DYRK1A: variants seen among roughly 807,000 people sequenced by gnomAD.
DYRK1A encodes dual specificity tyrosine-phosphorylation-regulated kinase 1A.
A neutral mutation model predicts 79.7 loss-of-function variants in DYRK1A; 9 were observed. That is an observed-to-expected ratio of 0.11 (90% CI 0.07 to 0.20). The LOEUF is 0.20. DYRK1A is among the 10% of genes least tolerant of loss of function. The pLI is 1.00. For synonymous variants in DYRK1A, 349 were observed against 329.7 expected, an observed-to-expected ratio of 1.06 and a Z score of -0.63; for missense variants, 622 against 956.0, an observed-to-expected ratio of 0.65 and a Z score of 4.61.
intron 2 of DYRK1A, among the ~76,000 whole-genome samples, chr21:37,459,612 G>A (rs935757435): frequency 2.6e-5 from 4 of 152,144 alleles, no homozygotes. Flanking sequence ...AATAAATAAT[G>A]TTATTCTAAT....
At chr21:37,471,361 G>A (rs1011060044) in intron 2 of DYRK1A, among the ~76,000 whole-genome samples, 2 of 152,206 alleles carry the variant, frequency 1.3e-5, no homozygotes, top group Non-Finnish European at 2.9e-5. Flanking sequence ...GAAAGTAGAG[G>A]TGGAACTTAT....
intron 2 of DYRK1A, among the ~76,000 whole-genome samples, chr21:37,442,066 A>G (rs1438598378): frequency 6.7e-6 from 1 of 150,210 alleles, no homozygotes; most frequent in African/African-American, 2.5e-5. Flanking sequence ...GCTCTCTCGC[A>G]TTGTTTCTTA....
chr21:37,373,491 T>G (rs1011406336), intron 1 of DYRK1A, among the ~76,000 whole-genome samples: 25 of 152,296 alleles, frequency 1.6e-4, no homozygotes, highest in African/African-American at 5.5e-4. Flanking sequence ...AACGAGAAAT[T>G]TATTTTTCCT....
At chr21:37,379,166 G>A (rs1332706920) in intron 1 of DYRK1A, among the ~76,000 whole-genome samples, 11 of 151,994 alleles carry the variant, frequency 7.2e-5, no homozygotes, top group Non-Finnish European at 1.6e-4. Context: ...AATTTGGGGC[G>A]ATTGAGGGTT....
At chr21:37,436,921 A>G (rs2050942197) in intron 2 of DYRK1A, among the ~76,000 whole-genome samples, 1 of 152,232 alleles carries the variant, frequency 6.6e-6, no homozygotes, top group Admixed American at 6.5e-5. Flanking sequence ...TCCATGCTGT[A>G]AGAGAGGTGG....
intron 1 of DYRK1A, among the ~76,000 whole-genome samples, chr21:37,408,125 AAG>A (rs1383069461): frequency 6.6e-6 from 1 of 152,230 alleles, no homozygotes; most frequent in African/African-American, 2.4e-5. Context: ...CCTTTCCCAG[AAG>A]AGAAACAAGA....
chr21:37,515,187 A>G lies in DYRK1A; in HGVS notation c.*2656A>G, dbSNP rs945874841. 3 of 152,640 alleles carry G rather than the reference A, an allele frequency of 2.0e-5. No individual in the cohort carries two copies. The highest frequency in any genetic ancestry group is 7.2e-5 in the African/African-American group (3 of 41,454). The allele number at this position is 152,640 out of a possible 1,614,324, so 9.5% of individuals were successfully genotyped here. The stretch of plus-strand genomic sequence containing the variant: ...TGAATAATTTGTCCTCAGACTCTTT[A>G]CTATGCTTTTTTAAAAATTAATTTA... On this transcript the variant is annotated 3_prime_UTR_variant, in exon 12 of 12. Coordinates refer to ENST00000647188, the MANE Select transcript of DYRK1A (RefSeq NM_001347721.2).
At chr21:37,423,237 C>A (rs1320940110) in intron 2 of DYRK1A, among the ~76,000 whole-genome samples, 1 of 152,054 alleles carries the variant, frequency 6.6e-6, no homozygotes, top group African/African-American at 2.4e-5. Flanking sequence ...TTACCAAAAT[C>A]TCTGCATCCC....
intron 2 of DYRK1A, chr21:37,464,226 C>T: frequency 2.2e-6 from 1 of 457,440 alleles, no homozygotes; most frequent in South Asian, 1.7e-5. Flanking sequence ...ATCTTATGTC[C>T]CAGTCTTTGA....
At chr21:37,432,008 T>C (rs11701982) in intron 2 of DYRK1A, among the ~76,000 whole-genome samples, 11,489 of 152,266 alleles carry the variant, frequency 0.075, 646 homozygotes, top group Non-Finnish European at 0.11. Flanking sequence ...TTTTAAACCC[T>C]AAAGTTAATT....
chr21:37,387,928 C>G (rs1460727092), intron 1 of DYRK1A, among the ~76,000 whole-genome samples: 7 of 152,086 alleles, frequency 4.6e-5, no homozygotes, highest in Non-Finnish European at 1.5e-5. Flanking sequence ...AAAAAGAAAA[C>G]ACAACACTAT....
At chr21:37,397,707 C>T (rs2049981526) in intron 1 of DYRK1A, among the ~76,000 whole-genome samples, 1 of 152,092 alleles carries the variant, frequency 6.6e-6, no homozygotes, top group Non-Finnish European at 1.5e-5. Context: ...AATATAGGTT[C>T]AGGCCTTACC....
chr21:37,383,485 G>C (rs1431014617), intron 1 of DYRK1A, among the ~76,000 whole-genome samples: 1 of 152,212 alleles, frequency 6.6e-6, no homozygotes, highest in Admixed American at 6.5e-5. Flanking sequence ...ACCTTTACTT[G>C]GAAGATGCTA....
intron 1 of DYRK1A, among the ~76,000 whole-genome samples, chr21:37,382,257 T>A (rs1028160420): frequency 5.9e-5 from 9 of 151,846 alleles, no homozygotes; most frequent in Admixed American, 1.3e-4. Flanking sequence ...GTGATCTCAC[T>A]TTTACGGGGA....
chr21:37,482,634 G>C (rs1478283703), intron 5 of DYRK1A, among the ~76,000 whole-genome samples: 1 of 152,146 alleles, frequency 6.6e-6, no homozygotes, highest in East Asian at 1.9e-4. Context: ...CAGGAGACAG[G>C]GTTTGAGAGC....
rs571578148 is a variant in DYRK1A at position 37,512,805 on chromosome 21, G to T, written c.*274G>T. Reference sequence around the variant, plus strand: ...CTTGCCACATCCCAGTCACAGTGGGGTTTTTTTGTCTTTCTATTCAGCAAA... The same window carrying T: ...CTTGCCACATCCCAGTCACAGTGGGTTTTTTTTGTCTTTCTATTCAGCAAA... On this transcript the variant is annotated 3_prime_UTR_variant, in exon 12 of 12. Transcript: ENST00000647188. 19 of 409,190 alleles carry T rather than the reference G, an allele frequency of 4.6e-5. No individual in the cohort carries two copies. Among genetic ancestry groups the T allele is most frequent in the East Asian group, 1.1e-4 (3 of 26,380 alleles). 25.3% of individuals were successfully genotyped at this position (409,190 alleles called of 1,614,324 possible).
chr21:37,483,185 T>A (rs889666333), intron 5 of DYRK1A, among the ~76,000 whole-genome samples: 1 of 152,222 alleles, frequency 6.6e-6, no homozygotes, highest in Non-Finnish European at 1.5e-5. Context: ...TGTTTAGAGA[T>A]TGCAGTAAAG....
intron 2 of DYRK1A, among the ~76,000 whole-genome samples, chr21:37,463,230 G>GTGTGTGTGTGTGTGTC (rs1247518875): frequency 1.4e-5 from 2 of 146,194 alleles, no homozygotes; most frequent in East Asian, 4.1e-4. Context: ...GTGTGTGTGT[G>GTGTGTGTGTGTGTGTC]TGTATCCTGT....
intron 7 of DYRK1A, 118 bp downstream of exon 7, chr21:37,490,579 T>A: frequency 1.9e-6 from 1 of 522,686 alleles, no homozygotes; most frequent in Non-Finnish European, 2.8e-6. Context: ...AGTTGCTGTT[T>A]TTGCAGTGGC....
Sources: gnomAD v4.1 joint callset for allele counts (sites outside exome capture counted in the v4.1 genomes callset) on GRCh38, gnomAD v4.1.1 for gene constraint, MANE v1.5 for transcripts, NCBI Gene and HGNC (gene_info 2026-07-23, HGNC 2026-07-21) for gene names.